Variants in CECR2 observed in about 807,000 individuals in gnomAD.
The protein encoded by CECR2 is chromatin remodeling regulator CECR2.
In CECR2, 30 loss-of-function variants were observed where a neutral mutation model predicts 154.5. The ratio of observed to expected loss-of-function variants is 0.19; its 90% CI spans 0.15 to 0.26. The LOEUF is 0.26. CECR2 is among the 10% of genes least tolerant of loss of function. CECR2 has a pLI of 1.00. For synonymous variants in CECR2, 725 were observed against 683.7 expected (o/e 1.06, Z -0.94); for missense variants, 1,743 against 1,829.3 (o/e 0.95, Z 0.86).
chr22:17,527,521 C>CT (rs529648701), intron 9 of CECR2, among the ~76,000 whole-genome samples: 28 of 152,118 alleles, frequency 1.8e-4, no homozygotes, highest in South Asian at 6.2e-4. Context: ...AATCCCAGCA[C>CT]TTTGGGAGGC....
intron 1 of CECR2, among the ~76,000 whole-genome samples, chr22:17,389,396 C>G (rs2063301649): frequency 6.6e-6 from 1 of 152,186 alleles, no homozygotes; most frequent in South Asian, 2.1e-4. Context: ...TGTGTAATTA[C>G]TGTTTTTCTA....
intron 1 of CECR2, among the ~76,000 whole-genome samples, chr22:17,436,448 G>C (rs1299299299): frequency 3.9e-5 from 6 of 152,228 alleles, no homozygotes; most frequent in Non-Finnish European, 8.8e-5. Flanking sequence ...TGGGTTGCTT[G>C]TTCCCACCTT....
intron 1 of CECR2, among the ~76,000 whole-genome samples, chr22:17,446,388 C>T (rs1215924945): frequency 1.3e-5 from 2 of 152,212 alleles, no homozygotes; most frequent in Non-Finnish European, 2.9e-5. Flanking sequence ...AGAACGAAGC[C>T]ACGGAACTTA....
At chr22:17,501,120 C>G (rs1405224267) in intron 5 of CECR2, among the ~76,000 whole-genome samples, 2 of 152,136 alleles carry the variant, frequency 1.3e-5, no homozygotes, top group African/African-American at 4.8e-5. Context: ...TAGGACTTTT[C>G]AAAATCTGAC....
At chr22:17,379,581 G>GGTGTGTGTGTGTGTGTGTGT (rs60634016) in intron 1 of CECR2, among the ~76,000 whole-genome samples, 2 of 137,814 alleles carry the variant, frequency 1.5e-5, no homozygotes, top group Non-Finnish European at 1.6e-5. Flanking sequence ...CTACGTTGAA[G>GGTGTGTGTGTGTGTGTGTGT]GTGTGTGTGT....
intron 10 of CECR2, among the ~76,000 whole-genome samples, chr22:17,538,163 A>G (rs1176732141): frequency 1.3e-5 from 2 of 152,212 alleles, no homozygotes; most frequent in Non-Finnish European, 2.9e-5. Flanking sequence ...GGCTGCAGTG[A>G]GCTGTGATCA....
intron 1 of CECR2, among the ~76,000 whole-genome samples, chr22:17,400,780 C>T (rs2053880173): frequency 6.6e-6 from 1 of 152,160 alleles, no homozygotes; most frequent in African/African-American, 2.4e-5. Flanking sequence ...GAGACAGGGT[C>T]TCCCTCTGTT....
At chr22:17,519,865 A>G (rs1264913763) in intron 8 of CECR2, among the ~76,000 whole-genome samples, 1 of 149,224 alleles carries the variant, frequency 6.7e-6, no homozygotes, top group African/African-American at 2.5e-5. Flanking sequence ...ATCTTGGTTC[A>G]CTGCAACCTC....
chr22:17,466,598 C>CTT (rs1555913227), intron 1 of CECR2, among the ~76,000 whole-genome samples: 3 of 140,172 alleles, frequency 2.1e-5, no homozygotes, highest in Non-Finnish European at 3.1e-5. Context: ...AAAACCTTGC[C>CTT]TTTTTTTTTT....
chr22:17,501,609 A>G (rs988502398), intron 5 of CECR2, among the ~76,000 whole-genome samples: 1 of 152,126 alleles, frequency 6.6e-6, no homozygotes, highest in Non-Finnish European at 1.5e-5. Context: ...CTCAATCAGC[A>G]TCCACTTAAC....
rs1239818523 is a variant in CECR2 at position 17,544,102 on chromosome 22, A to G, written c.2860+1099A>G. On this transcript the variant is annotated intron_variant, in intron 16 of 18. Coordinates refer to ENST00000262608, the MANE Select transcript of CECR2 (RefSeq NM_001290047.2). ...AGCCGGGCAGTAGTTTTGGTGGCTC[A>G]TGCCTGCAGTCCCAGAATTTTGGGA... is the stretch of plus-strand genomic sequence containing the variant. 2.0e-5 allele frequency among the ~76,000 whole-genome samples: 3 copies of G among 152,338 alleles called. No homozygotes were observed. The East Asian group carries it at 5.8e-4, about 29-fold the overall frequency.
At chr22:17,543,144 T>G (rs1358656220) in intron 16 of CECR2, 141 bp downstream of exon 16, 4 of 1,059,156 alleles carry the variant, frequency 3.8e-6, no homozygotes, top group East Asian at 5.3e-5. Flanking sequence ...TTCTGTTTTG[T>G]TTTTTTGAGA....
chr22:17,501,315 C>A (rs1215024814), intron 5 of CECR2, among the ~76,000 whole-genome samples: 4 of 152,116 alleles, frequency 2.6e-5, no homozygotes, highest in Non-Finnish European at 5.9e-5. Flanking sequence ...AGAAATATTT[C>A]TGGGAAATCA....
chr22:17,466,111 G>A (rs1021850362), intron 1 of CECR2, among the ~76,000 whole-genome samples: 2 of 151,300 alleles, frequency 1.3e-5, no homozygotes, highest in African/African-American at 4.9e-5. Context: ...TGCAACCTCC[G>A]CCTCCAGGGT....
At chr22:17,377,200 A>G (rs2063128742) in intron 1 of CECR2, among the ~76,000 whole-genome samples, 1 of 152,210 alleles carries the variant, frequency 6.6e-6, no homozygotes, top group Admixed American at 6.5e-5. Flanking sequence ...ATTACGTACC[A>G]AGTGAAAACT....
intron 1 of CECR2, among the ~76,000 whole-genome samples, chr22:17,360,369 C>A (rs1601221962): frequency 6.6e-6 from 1 of 152,082 alleles, no homozygotes; most frequent in Non-Finnish European, 1.5e-5. Flanking sequence ...TCGTGAGACA[C>A]CATTTGAAAA....
intron 1 of CECR2, among the ~76,000 whole-genome samples, chr22:17,370,752 A>G (rs2063050188): frequency 6.6e-6 from 1 of 152,120 alleles, no homozygotes; most frequent in Non-Finnish European, 1.5e-5. Flanking sequence ...GAGCTTGCGG[A>G]GCGCGGCGCA....
At chr22:17,449,542 T>A (rs2054733882) in intron 1 of CECR2, among the ~76,000 whole-genome samples, 1 of 131,210 alleles carries the variant, frequency 7.6e-6, no homozygotes, top group African/African-American at 2.9e-5. Context: ...CAGGCTGGAG[T>A]GCAGTGGCAT....
chr22:17,373,151 T>C (rs1281559919), intron 1 of CECR2, among the ~76,000 whole-genome samples: 1 of 152,118 alleles, frequency 6.6e-6, no homozygotes, highest in African/African-American at 2.4e-5. Flanking sequence ...CAACCTCCAC[T>C]TCCCAGGTTC....
Sources: allele counts gnomAD v4.1 joint callset (sites outside exome capture counted in the v4.1 genomes callset), GRCh38; gene constraint gnomAD v4.1.1; transcripts MANE v1.5; gene names NCBI Gene and HGNC (gene_info 2026-07-23, HGNC 2026-07-21).